FRMD6: variants seen among roughly 807,000 people sequenced by gnomAD.
FRMD6 encodes the protein FERM domain containing 6, also known as FERM domain-containing protein 6.
A neutral mutation model predicts 73.2 loss-of-function variants in FRMD6; 37 were observed. That is an observed-to-expected ratio of 0.51 (90% CI 0.39 to 0.66). FRMD6 has a LOEUF of 0.66. FRMD6 is among the 30% of genes least tolerant of loss of function. The pLI is 0.00. For synonymous variants in FRMD6, 273 were observed against 282.2 expected (o/e 0.97, Z 0.33); for missense variants, 714 against 780.5 (o/e 0.91, Z 1.02).
the FRMD6 span, among the ~76,000 whole-genome samples, chr14:51,442,162 T>C: frequency 1.3e-5 from 2 of 152,228 alleles, no homozygotes; most frequent in Non-Finnish European, 2.9e-5. Flanking sequence ...CATTTGTGGA[T>C]GACAGTGACT....
chr14:51,717,679 T>G (rs1027072898), intron 10 of FRMD6, among the ~76,000 whole-genome samples: 1 of 152,142 alleles, frequency 6.6e-6, no homozygotes, highest in Non-Finnish European at 1.5e-5. Flanking sequence ...GAATCCAAGA[T>G]CTCACCCCCA....
chr14:51,634,174 C>T (rs1891454750), intron 2 of FRMD6, among the ~76,000 whole-genome samples: 1 of 152,092 alleles, frequency 6.6e-6, no homozygotes, highest in Admixed American at 6.5e-5. Context: ...TTTTTAAGTG[C>T]TTGTCTGTTA....
At chr14:51,520,660 G>A (rs1208962624) in intron 1 of FRMD6, among the ~76,000 whole-genome samples, 1 of 152,162 alleles carries the variant, frequency 6.6e-6, no homozygotes, top group Admixed American at 6.6e-5. Context: ...CACTGTAGAA[G>A]GCTGAGGCAG....
At chr14:51,696,917 A>G (rs957839063) in intron 2 of FRMD6, among the ~76,000 whole-genome samples, 2 of 152,174 alleles carry the variant, frequency 1.3e-5, no homozygotes, top group Non-Finnish European at 2.9e-5. Flanking sequence ...CCCATGACCA[A>G]TAGGCTTATG....
chr14:51,549,397 T>G (rs1765705652), intron 1 of FRMD6, among the ~76,000 whole-genome samples: 1 of 152,150 alleles, frequency 6.6e-6, no homozygotes, highest in African/African-American at 2.4e-5. Context: ...AAGTCTTATT[T>G]TGAAAATTGG....
chr14:51,638,431 A>C (rs1033046300), intron 2 of FRMD6, among the ~76,000 whole-genome samples: 1 of 152,108 alleles, frequency 6.6e-6, no homozygotes, highest in Non-Finnish European at 1.5e-5. Context: ...GTGGTTCCGC[A>C]TTGTTCACAT....
At chr14:51,524,537 G>C (rs1298221022) in intron 1 of FRMD6, among the ~76,000 whole-genome samples, 1 of 137,250 alleles carries the variant, frequency 7.3e-6, no homozygotes, top group Non-Finnish European at 1.5e-5. Flanking sequence ...TTTTTATGAC[G>C]GGGGGGGTCT....
chr14:51,699,323 GTTCTTTCAGGGAA>G (rs1310802289), intron 3 of FRMD6, among the ~76,000 whole-genome samples: 1 of 152,016 alleles, frequency 6.6e-6, no homozygotes, highest in African/African-American at 2.4e-5. Flanking sequence ...TACTTCAGTC[GTTCTTTCAGGGAA>G]GAGTCTGAGA....
the FRMD6 span, among the ~76,000 whole-genome samples, chr14:51,454,021 G>A: frequency 2.0e-5 from 3 of 152,222 alleles, no homozygotes; most frequent in Non-Finnish European, 4.4e-5. Flanking sequence ...GTCAGTGGGT[G>A]AAGCCACAGC....
chr14:51,704,487 C>T, intron 5 of FRMD6: 1 of 392,908 alleles, frequency 2.5e-6, no homozygotes, highest in Non-Finnish European at 4.6e-6. Context: ...TTTTTCTTCT[C>T]TGAATGAATC....
chr14:51,648,175 T>C (rs1892165914), upstream of FRMD6, among the ~76,000 whole-genome samples: 1 of 152,188 alleles, frequency 6.6e-6, no homozygotes, highest in African/African-American at 2.4e-5. Flanking sequence ...TCTTCTAATA[T>C]GCTAATCTTA....
At chr14:51,449,378 C>T in the FRMD6 span, among the ~76,000 whole-genome samples, 3 of 152,086 alleles carry the variant, frequency 2.0e-5, no homozygotes, top group South Asian at 6.2e-4. Context: ...GAGATTCCAC[C>T]CAATGAGAAA....
chr14:51,415,310 A>T, the FRMD6 span, among the ~76,000 whole-genome samples: 1 of 152,100 alleles, frequency 6.6e-6, no homozygotes, highest in African/African-American at 2.4e-5. Flanking sequence ...AATAGCTCTT[A>T]TTATTTTGAG....
chr14:51,721,569 C>T (rs1408181684), intron 11 of FRMD6, among the ~76,000 whole-genome samples: 1 of 144,430 alleles, frequency 6.9e-6, no homozygotes, highest in Non-Finnish European at 1.5e-5. Flanking sequence ...GAGATCACAC[C>T]ACTCCAGCCT....
intron 1 of FRMD6, among the ~76,000 whole-genome samples, chr14:51,559,472 C>CTTTTT (rs368241546): frequency 6.9e-6 from 1 of 145,642 alleles, no homozygotes; most frequent in Admixed American, 6.9e-5. Context: ...TTCCACGTTA[C>CTTTTT]TTTTTTTTTT....
intron 1 of FRMD6, among the ~76,000 whole-genome samples, chr14:51,512,435 A>T (rs1303277282): frequency 6.6e-6 from 1 of 152,118 alleles, no homozygotes; most frequent in Non-Finnish European, 1.5e-5. Flanking sequence ...GTGCAGAGTG[A>T]TGGTGTATTT....
chr14:51,424,419 A>T, the FRMD6 span, among the ~76,000 whole-genome samples: 1 of 152,224 alleles, frequency 6.6e-6, no homozygotes, highest in African/African-American at 2.4e-5. Flanking sequence ...AATCCTTTAA[A>T]TTCATATCGT....
chr14:51,581,085 A>G (rs1020222380), intron 2 of FRMD6, among the ~76,000 whole-genome samples: 2 of 152,164 alleles, frequency 1.3e-5, no homozygotes, highest in Non-Finnish European at 2.9e-5. Flanking sequence ...AGATATATAA[A>G]CCAATGTGGC....
At chr14:51,658,423 G>T (rs1892991479) in intron 1 of FRMD6, among the ~76,000 whole-genome samples, 1 of 151,098 alleles carries the variant, frequency 6.6e-6, no homozygotes, top group Non-Finnish European at 1.5e-5. Flanking sequence ...ATTCACTCTT[G>T]TTGATCCATA....
Sources: gnomAD v4.1 joint callset for allele counts (sites outside exome capture counted in the v4.1 genomes callset) on GRCh38, gnomAD v4.1.1 for gene constraint, MANE v1.5 for transcripts, NCBI Gene and HGNC (gene_info 2026-07-23, HGNC 2026-07-21) for gene names.